Variants in GOLGA8B observed in about 807,000 individuals in gnomAD.
GOLGA8B encodes golgin A8 family member B, also known as golgin subfamily A member 8B.
Under a neutral mutation model 15.6 loss-of-function variants are expected in GOLGA8B, and 1 was observed. The ratio of observed to expected loss-of-function variants is 0.06; its 90% CI spans 0.02 to 0.30. The LOEUF is 0.30. Ranked by LOEUF, GOLGA8B falls within the 10% of genes least tolerant of loss-of-function variation. GOLGA8B has a pLI of 1.00. For missense variants in GOLGA8B, 17 were observed against 201.3 expected, an observed-to-expected ratio of 0.08 and a Z score of 5.54; for synonymous variants, 9 against 80.3, an observed-to-expected ratio of 0.11 and a Z score of 4.75.
At chr15:34,564,073 G>T (rs1888691361) in intron 1 of GOLGA8B, among the ~76,000 whole-genome samples, 1 of 139,514 alleles carries the variant, frequency 7.2e-6, no homozygotes, top group Non-Finnish European at 1.6e-5. Context: ...TGGGATGTCT[G>T]GAAATAATCT....
At chr15:34,578,542 C>G (rs574137601) in intron 1 of GOLGA8B, among the ~76,000 whole-genome samples, 7 of 152,328 alleles carry the variant, frequency 4.6e-5, no homozygotes, top group East Asian at 1.9e-4. Context: ...AGCACTGCCC[C>G]GTCACAGCAG....
At chr15:34,576,216 G>A (rs1445592644) in intron 1 of GOLGA8B, among the ~76,000 whole-genome samples, 5 of 152,292 alleles carry the variant, frequency 3.3e-5, no homozygotes, top group African/African-American at 7.2e-5. Flanking sequence ...GGTCCCCCAC[G>A]GCAGCTCCCC....
intron 1 of GOLGA8B, chr15:34,582,790 TG>T: frequency 6.6e-6 from 1 of 152,282 alleles, no homozygotes; most frequent in Non-Finnish European, 1.5e-5. Context: ...GCTTGGGGAC[TG>T]GGGGCCTCGA....
At chr15:34,554,076 T>C (rs1287132880) in intron 1 of GOLGA8B, 120 bp from the exon 2 acceptor site, 2 of 141,264 alleles carry the variant, frequency 1.4e-5, no homozygotes, top group Non-Finnish European at 3.1e-5. Context: ...TGTAGGACAG[T>C]CCCCACTTGG....
At chr15:34,578,317 A>G (rs1424255890) in intron 1 of GOLGA8B, among the ~76,000 whole-genome samples, 2 of 152,180 alleles carry the variant, frequency 1.3e-5, no homozygotes, top group Non-Finnish European at 2.9e-5. Context: ...CGCTGTGAAG[A>G]GCTCACGTCA....
chr15:34,581,758 G>C (rs1365903020), intron 1 of GOLGA8B, among the ~76,000 whole-genome samples: 5 of 152,064 alleles, frequency 3.3e-5, no homozygotes, highest in African/African-American at 9.7e-5. Context: ...CACACTCCGT[G>C]GGACTCAGCC....
chr15:34,572,806 GATCTGT>G (rs1408979938), intron 1 of GOLGA8B, among the ~76,000 whole-genome samples: 2 of 152,190 alleles, frequency 1.3e-5, no homozygotes, highest in Non-Finnish European at 2.9e-5. Flanking sequence ...AGGATCTCAA[GATCTGT>G]GTTATATAGA....
Position 34,576,033 on chromosome 15 carries a change from C to T in GOLGA8B, c.-1123+7483G>A, listed in dbSNP as rs1051143175. ...TGCAGAGTCCCTGAGTGTCAAAGGACTGAGAGGTGAATGACGGGACGGGCA... is the reference window on the plus strand; with the variant it reads ...TGCAGAGTCCCTGAGTGTCAAAGGATTGAGAGGTGAATGACGGGACGGGCA... On this transcript the variant is annotated intron_variant, in intron 1 of 23. Transcript: ENST00000683415. 5.9e-5 allele frequency among the ~76,000 whole-genome samples: 9 copies of T among 152,326 alleles called. 1 individual carries two copies. The highest frequency in any genetic ancestry group is 5.9e-4 in the Admixed American group (9 of 15,302).
chr15:34,582,425 G>T (rs570178817), intron 1 of GOLGA8B, among the ~76,000 whole-genome samples: 2 of 152,376 alleles, frequency 1.3e-5, no homozygotes, highest in African/African-American at 4.8e-5. Flanking sequence ...AGGCACAGGA[G>T]GTTGAAGAGG....
At chr15:34,563,990 T>C (rs1888689664) in intron 1 of GOLGA8B, among the ~76,000 whole-genome samples, 2 of 135,308 alleles carry the variant, frequency 1.5e-5, no homozygotes, top group African/African-American at 2.6e-5. Context: ...GAAGCTTACA[T>C]GTTTTTCTAA....
intron 1 of GOLGA8B, among the ~76,000 whole-genome samples, chr15:34,577,354 T>A (rs1362468685): frequency 6.6e-6 from 1 of 152,128 alleles, no homozygotes; most frequent in Non-Finnish European, 1.5e-5. Flanking sequence ...AGACAGCTGA[T>A]AATCAAACCA....
intron 1 of GOLGA8B, among the ~76,000 whole-genome samples, chr15:34,577,941 A>G (rs751080209): frequency 3.3e-5 from 5 of 152,164 alleles, no homozygotes; most frequent in Non-Finnish European, 5.9e-5. Context: ...CTGCACTACA[A>G]CTTTACGACA....
chr15:34,569,931 T>G (rs1353682480), intron 1 of GOLGA8B, among the ~76,000 whole-genome samples: 1 of 152,040 alleles, frequency 6.6e-6, no homozygotes, highest in Non-Finnish European at 1.5e-5. Context: ...CCAGTGGAAA[T>G]TTGGTGGCAC....
intron 1 of GOLGA8B, among the ~76,000 whole-genome samples, chr15:34,577,861 A>G (rs201801553): frequency 6.6e-6 from 1 of 152,208 alleles, no homozygotes; most frequent in Non-Finnish European, 1.5e-5. Flanking sequence ...CCGGTGAGTC[A>G]GTCTGTACAC....
At chr15:34,581,387 A>G (rs1456611190) in intron 1 of GOLGA8B, 1 of 152,186 alleles carries the variant, frequency 6.6e-6, no homozygotes, top group Non-Finnish European at 1.5e-5. Context: ...TGACTTCCTC[A>G]GTTTTGTCTG....
At chr15:34,583,317 G>C (rs887036341) in intron 1 of GOLGA8B, among the ~76,000 whole-genome samples, 199 bp downstream of exon 1, 2 of 152,106 alleles carry the variant, frequency 1.3e-5, no homozygotes, top group Non-Finnish European at 2.9e-5. Context: ...CGGTCCGAGA[G>C]GCGTAGGCCA....
intron 1 of GOLGA8B, among the ~76,000 whole-genome samples, chr15:34,580,058 G>A (rs1889189190): frequency 6.6e-6 from 1 of 152,186 alleles, no homozygotes; most frequent in Admixed American, 6.5e-5. Context: ...GCATCTGGGG[G>A]TGGCTGATGC....
chr15:34,557,672 G>GTGTC lies in GOLGA8B; in HGVS notation c.-1122-3717_-1122-3716insGACA, dbSNP rs1555405950. On this transcript the variant is annotated intron_variant, in intron 1 of 23. Transcript: ENST00000683415. ...TGTGTGTGTGTGTGTGTGTGTGTGTGTGTGTGTGTGTCTGTGTACTGAGAG... is the reference window on the plus strand; with the variant it reads ...TGTGTGTGTGTGTGTGTGTGTGTGTGTGTCTGTGTGTGTGTCTGTGTACTGAGAG... Among the ~76,000 whole-genome samples, 170 of 108,570 alleles carry GTGTC rather than the reference G, an allele frequency of 1.6e-3. 13 individuals are homozygous for GTGTC. The highest frequency in any genetic ancestry group is 5.5e-3 in the African/African-American group (164 of 29,982). The allele number at this position is 108,570 out of a possible 152,430, so 71.2% of individuals were successfully genotyped here. A position where few individuals can be genotyped will look rare whatever the true frequency, so the allele number is the denominator to read the frequency against.
In GOLGA8B at chr15:34,527,116, G is replaced by A; in HGVS notation, c.*516C>T. ...AGCTCTAAGTGTCAGTACTCATAGT[G>A]GCATATTACAAAGTAATAAACAGTG... On this transcript the variant is annotated 3_prime_UTR_variant, in exon 24 of 24. Coordinates refer to ENST00000683415, the MANE Select transcript of GOLGA8B (RefSeq NM_001023567.5). The A allele has an allele frequency of 4.6e-6, 1 of 219,662 alleles. No individual in the cohort carries two copies. Among genetic ancestry groups the A allele is most frequent in the South Asian group, 6.4e-5 (1 of 15,534 alleles). The allele number at this position is 219,662 out of a possible 1,614,324, so 13.6% of individuals were successfully genotyped here.
Sources: allele counts gnomAD v4.1 joint callset (sites outside exome capture counted in the v4.1 genomes callset), GRCh38; gene constraint gnomAD v4.1.1; transcripts MANE v1.5; gene names NCBI Gene and HGNC (gene_info 2026-07-23, HGNC 2026-07-21).